Variants in MGST1 observed in about 807,000 individuals in gnomAD.
MGST1 encodes the protein glutathione S-transferase 12.
Under a neutral mutation model 8.9 loss-of-function variants are expected in MGST1, and 5 were observed. The ratio of observed to expected loss-of-function variants is 0.56; its 90% CI spans 0.29 to 1.19. The LOEUF (loss-of-function observed/expected upper bound fraction) is 1.19, where lower values mean the gene tolerates loss of function less well. Ranked by LOEUF, MGST1 falls within the 50% of genes most tolerant of loss-of-function variation. MGST1 has a pLI of 0.08. For missense variants in MGST1, 182 were observed against 187.4 expected, an observed-to-expected ratio of 0.97 and a Z score of 0.17; for synonymous variants, 54 against 67.8, an observed-to-expected ratio of 0.80 and a Z score of 1.00.
chr12:16,397,237 G>A (rs2137058902), intron 1 of MGST1, among the ~76,000 whole-genome samples: 1 of 152,280 alleles, frequency 6.6e-6, no homozygotes, highest in East Asian at 1.9e-4. Context: ...GTAGGAGAAT[G>A]AAAATGGATC....
At chr12:16,521,918 G>A (rs1339071562) in intron 4 of MGST1, among the ~76,000 whole-genome samples, 1 of 149,148 alleles carries the variant, frequency 6.7e-6, no homozygotes, top group East Asian at 2.0e-4. Flanking sequence ...CCTTTGAACT[G>A]ATCTATCCTG....
chr12:16,583,041 C>T (rs1409879971), intron 4 of MGST1, among the ~76,000 whole-genome samples: 18 of 74,910 alleles, frequency 2.4e-4, no homozygotes, highest in Non-Finnish European at 4.0e-4. Flanking sequence ...TGCGAGACTC[C>T]GCCTCAAAAA....
At position 16,364,346 on chromosome 12, in the gene MGST1, A is replaced by C; in HGVS notation, c.*305A>C. 3 of 1,030,118 alleles carry C rather than the reference A, an allele frequency of 2.9e-6. No individual in the cohort carries two copies. Among genetic ancestry groups the C allele is most frequent in the Non-Finnish European group, 3.5e-6 (3 of 858,142 alleles). The allele number at this position is 1,030,118 out of a possible 1,614,324, so 63.8% of individuals were successfully genotyped here. A position where few individuals can be genotyped will look rare whatever the true frequency, so the allele number is the denominator to read the frequency against. ...ACTTTTGAATCTATAAAAGAATTGC[A>C]CGTATGAGAAACCTATATTTCAATA... On this transcript the variant is annotated 3_prime_UTR_variant, in exon 4 of 4. Transcript: ENST00000396210. The surrounding 1 kb of genome is among the most constrained non-coding windows in gnomAD (Gnocchi z 5.7).
downstream of MGST1, among the ~76,000 whole-genome samples, chr12:16,443,233 C>T (rs1417313665): frequency 6.6e-6 from 1 of 151,566 alleles, no homozygotes; most frequent in South Asian, 2.1e-4. Context: ...TTCAGATTAC[C>T]TTATATTTAT....
Position 16,363,773 on chromosome 12 carries a change from T to G in MGST1, c.222-22T>G. ...TCTAGTATTTTGAAATTAGTGTCTT[T>G]AATAGTTATCTTTTTCCACAGAGCC... is the stretch of plus-strand genomic sequence containing the variant. On this transcript the variant is annotated intron_variant, in intron 3 of 3. Transcript: ENST00000396210. This position sits in a 1 kb window ranked among gnomAD's most constrained non-coding sequence, Gnocchi z 4.6. 1 of 1,569,904 alleles carries G rather than the reference T, an allele frequency of 6.4e-7. No individual in the cohort carries two copies. The highest frequency in any genetic ancestry group is 8.7e-7 in the Non-Finnish European group (1 of 1,150,730).
In MGST1 at chr12:16,584,818, G is replaced by T. The variant is rs1943267128; in HGVS notation, n.483-4710G>T. Among the ~76,000 whole-genome samples, 1 of 152,186 alleles carries T rather than the reference G, an allele frequency of 6.6e-6. No individual in the cohort carries two copies. The highest frequency in any genetic ancestry group is 1.5e-5 in the Non-Finnish European group (1 of 68,034). ...CTCCCAGGAGATTTCTGAAGCAGGAGTGTAACTGGTATACATTGGATGAAG... is the reference window on the plus strand; with the variant it reads ...CTCCCAGGAGATTTCTGAAGCAGGATTGTAACTGGTATACATTGGATGAAG... On this transcript the variant is annotated intron_variant and non_coding_transcript_variant, in intron 4 of 4. Transcript: ENST00000538857. This position sits in a 1 kb window ranked among gnomAD's most constrained non-coding sequence, Gnocchi z 5.2.
At chr12:16,390,482 C>A (rs1009777583) in intron 1 of MGST1, among the ~76,000 whole-genome samples, 1 of 152,084 alleles carries the variant, frequency 6.6e-6, no homozygotes, top group African/African-American at 2.4e-5. Flanking sequence ...CAGTGTCTGT[C>A]GTTCCCTTCT....
downstream of MGST1, among the ~76,000 whole-genome samples, chr12:16,368,454 A>G (rs540082458): frequency 7.9e-5 from 12 of 152,280 alleles, no homozygotes; most frequent in African/African-American, 2.6e-4. Flanking sequence ...TCCTATGATC[A>G]TCTCCCCGCT....
intron 2 of MGST1, among the ~76,000 whole-genome samples, chr12:16,357,298 C>T (rs1939761310): frequency 6.6e-6 from 1 of 152,062 alleles, no homozygotes; most frequent in Non-Finnish European, 1.5e-5. Context: ...CTTGCTCTGT[C>T]ACCCAGACTA....
intron 4 of MGST1, among the ~76,000 whole-genome samples, chr12:16,527,058 C>T (rs929858912): frequency 3.3e-5 from 5 of 152,010 alleles, no homozygotes; most frequent in Admixed American, 3.3e-4. Flanking sequence ...CTCTAGGTTA[C>T]AGATGAGGGG....
At chr12:16,402,913 T>C (rs1488258659) in intron 1 of MGST1, among the ~76,000 whole-genome samples, 1 of 148,700 alleles carries the variant, frequency 6.7e-6, no homozygotes, top group Non-Finnish European at 1.5e-5. Context: ...TTAATATATA[T>C]TTAAAAATAA....
chr12:16,417,486 T>C (rs1036102074), intron 1 of MGST1, among the ~76,000 whole-genome samples: 1 of 152,066 alleles, frequency 6.6e-6, no homozygotes, highest in Non-Finnish European at 1.5e-5. Flanking sequence ...CTTAGCTGTA[T>C]AGTATAGAAA....
At chr12:16,422,935 G>A (rs1276814386) in intron 1 of MGST1, among the ~76,000 whole-genome samples, 2 of 151,990 alleles carry the variant, frequency 1.3e-5, no homozygotes, top group African/African-American at 4.8e-5. Flanking sequence ...AGTATTCCAG[G>A]GAAGACTCTG....
intron 4 of MGST1, among the ~76,000 whole-genome samples, chr12:16,541,653 C>A (rs995508851): frequency 2.0e-5 from 3 of 151,836 alleles, no homozygotes; most frequent in African/African-American, 7.3e-5. Flanking sequence ...AAACAGATAC[C>A]AGAAACTATT....
intron 4 of MGST1, among the ~76,000 whole-genome samples, chr12:16,459,865 G>A (rs576527795): frequency 8.5e-5 from 13 of 152,134 alleles, no homozygotes; most frequent in African/African-American, 2.4e-4. Flanking sequence ...AAAGTCTCCC[G>A]TGGCGGTTTT....
rs1941593679 is a variant in MGST1 at position 16,513,868 on chromosome 12, G to C, written n.483-75660G>C. On this transcript the variant is annotated intron_variant and non_coding_transcript_variant, in intron 4 of 4. Transcript: ENST00000538857. The surrounding 1 kb of genome is among the most constrained non-coding windows in gnomAD (Gnocchi z 4.2). Reference sequence around the variant, plus strand: ...TGTCTTTCTGCCCAAACCAACCTGGGGAAGTCGCACACCCATCTTCAGGGA... The same window carrying C: ...TGTCTTTCTGCCCAAACCAACCTGGCGAAGTCGCACACCCATCTTCAGGGA... The C allele has an allele frequency of 3.3e-6, 2 of 610,704 alleles. No individual in the cohort carries two copies. The highest frequency in any genetic ancestry group is 1.5e-5 in the South Asian group (1 of 67,148). 37.8% of individuals were successfully genotyped at this position (610,704 alleles called of 1,614,324 possible). A position where few individuals can be genotyped will look rare whatever the true frequency, so the allele number is the denominator to read the frequency against.
Position 16,513,921 on chromosome 12 carries a change from A to G in MGST1, n.483-75607A>G. The G allele has an allele frequency of 3.5e-6, 2 of 573,294 alleles. No individual in the cohort carries two copies. Among genetic ancestry groups the G allele is most frequent in the East Asian group, 7.7e-5 (2 of 26,010 alleles). 35.5% of individuals were successfully genotyped at this position (573,294 alleles called of 1,614,324 possible). A position where few individuals can be genotyped will look rare whatever the true frequency, so the allele number is the denominator to read the frequency against. ...CTGGCATGCAGCTACAAGGTTATCG[A>G]TACTATGACCGCAAGACTTGCGGTT... is the stretch of plus-strand genomic sequence containing the variant. On this transcript the variant is annotated intron_variant and non_coding_transcript_variant, in intron 4 of 4. Coordinates refer to the MGST1 transcript ENST00000538857. This position sits in a 1 kb window ranked among gnomAD's most constrained non-coding sequence, Gnocchi z 4.2.
At chr12:16,572,412 GTATC>G (rs1942847922) in intron 4 of MGST1, among the ~76,000 whole-genome samples, 1 of 103,642 alleles carries the variant, frequency 9.6e-6, no homozygotes, top group African/African-American at 3.7e-5. Context: ...TTTAGAATGT[GTATC>G]TATCTTCTTT....
chr12:16,498,823 C>T lies in MGST1; in HGVS notation n.483-90705C>T, dbSNP rs1247250046. ...ACAAGCCAAAATCTCTAAAAACTGC[C>T]CATCTCTGTTTCAAATTGGGTGTTA... On this transcript the variant is annotated intron_variant and non_coding_transcript_variant, in intron 4 of 4. Coordinates refer to the MGST1 transcript ENST00000538857. 3.3e-5 allele frequency among the ~76,000 whole-genome samples: 5 copies of T among 152,204 alleles called. No homozygotes were observed. The East Asian group carries it at 9.7e-4, about 29-fold the overall frequency.
Sources: allele counts gnomAD v4.1 joint callset (sites outside exome capture counted in the v4.1 genomes callset), GRCh38; gene constraint gnomAD v4.1.1; non-coding constraint Gnocchi (gnomAD v3.1); transcripts MANE v1.5; gene names NCBI Gene and HGNC (gene_info 2026-07-23, HGNC 2026-07-21).